The following LRP1B variants were observed in gnomAD, a reference collection of about 807,000 sequenced individuals.
LRP1B encodes the protein low-density lipoprotein receptor-related protein 1B.
A neutral mutation model predicts 556.6 loss-of-function variants in LRP1B; 217 were observed. The observed-to-expected ratio is 0.39, with a 90% CI of 0.35 to 0.44. LRP1B has a LOEUF of 0.44. Ranked by LOEUF, LRP1B falls within the 20% of genes least tolerant of loss-of-function variation. The pLI is 1.00. For missense variants in LRP1B, 5,053 were observed against 5,620.8 expected (o/e 0.90, Z 3.23); for synonymous variants, 2,047 against 1,865.8 (o/e 1.10, Z -2.50).
chr2:141,742,580 A>G (rs1486483493), intron 2 of LRP1B, among the ~76,000 whole-genome samples: 1 of 152,108 alleles, frequency 6.6e-6, no homozygotes, highest in African/African-American at 2.4e-5. Context: ...GCATTTGCTC[A>G]GTAAAGCTTT....
At chr2:141,440,044 C>T (rs1390921989) in intron 3 of LRP1B, among the ~76,000 whole-genome samples, 1 of 152,128 alleles carries the variant, frequency 6.6e-6, no homozygotes, top group East Asian at 1.9e-4. Context: ...CACATAACAG[C>T]AACAACAACG....
intron 43 of LRP1B, among the ~76,000 whole-genome samples, chr2:140,556,812 G>A (rs1321310886): frequency 6.6e-6 from 1 of 151,588 alleles, no homozygotes; most frequent in Non-Finnish European, 1.5e-5. Context: ...TATCTAAAAT[G>A]TTTACTTTAC....
intron 6 of LRP1B, among the ~76,000 whole-genome samples, chr2:141,190,428 T>C (rs1276776119): frequency 6.6e-6 from 1 of 151,566 alleles, no homozygotes; most frequent in African/African-American, 2.4e-5. Flanking sequence ...TGTCTTGACT[T>C]GAGTATTTTT....
intron 3 of LRP1B, among the ~76,000 whole-genome samples, chr2:141,396,211 T>C (rs1209978916): frequency 6.6e-6 from 1 of 152,152 alleles, no homozygotes; most frequent in African/African-American, 2.4e-5. Context: ...TTAGGGCCAA[T>C]GAAAAACAAA....
intron 66 of LRP1B, among the ~76,000 whole-genome samples, chr2:140,415,801 T>G (rs557024044): frequency 1.1e-4 from 17 of 152,186 alleles, no homozygotes; most frequent in African/African-American, 3.9e-4. Flanking sequence ...TTTGCCACAC[T>G]CCCCTCTAGT....
chr2:141,382,113 A>C (rs1348397306), intron 3 of LRP1B, among the ~76,000 whole-genome samples: 1 of 152,178 alleles, frequency 6.6e-6, no homozygotes, highest in Admixed American at 6.6e-5. Context: ...ACCATCTGCC[A>C]AAAGGTCCAG....
At chr2:141,931,908 G>A (rs757128491) in intron 1 of LRP1B, among the ~76,000 whole-genome samples, 50 of 151,996 alleles carry the variant, frequency 3.3e-4, no homozygotes, top group Non-Finnish European at 8.8e-5. Context: ...GATATGGGCT[G>A]TGTCACTTCG....
At chr2:141,131,407 T>TTTTA (rs976965390) in intron 7 of LRP1B, among the ~76,000 whole-genome samples, 1 of 110,696 alleles carries the variant, frequency 9.0e-6, no homozygotes, top group African/African-American at 3.9e-5. Context: ...ATGCATAAAG[T>TTTTA]TATATATATA....
chr2:141,354,246 A>C (rs2105547296), intron 3 of LRP1B, among the ~76,000 whole-genome samples: 1 of 152,176 alleles, frequency 6.6e-6, no homozygotes, highest in African/African-American at 2.4e-5. Flanking sequence ...TCACATCAAA[A>C]TAGTTTTTGG....
At chr2:140,491,361 T>G (rs1470856016) in intron 57 of LRP1B, among the ~76,000 whole-genome samples, 6 of 152,088 alleles carry the variant, frequency 3.9e-5, no homozygotes, top group Non-Finnish European at 8.8e-5. Flanking sequence ...TATGTGTGTG[T>G]GTGTATATAT....
At chr2:140,563,178 A>ACC (rs916934024) in intron 43 of LRP1B, among the ~76,000 whole-genome samples, 18 of 152,118 alleles carry the variant, frequency 1.2e-4, no homozygotes, top group African/African-American at 4.1e-4. Context: ...TATTTCACAC[A>ACC]CACACACACA....
intron 7 of LRP1B, among the ~76,000 whole-genome samples, chr2:141,147,046 G>A (rs1007027616): frequency 8.5e-5 from 13 of 152,232 alleles, no homozygotes; most frequent in African/African-American, 3.1e-4. Flanking sequence ...AGTGATCAGA[G>A]GACTGAAAGA....
rs1018822907 is a variant in LRP1B at position 140,773,181 on chromosome 2, G to A, written c.5501-2175C>T. ...TGTACTTGTAAAAATAAGAGAATGT[G>A]GCTAGGGGCGCGGTGGCTCACGCCT... is the stretch of plus-strand genomic sequence containing the variant. On this transcript the variant is annotated intron_variant, in intron 33 of 90. Transcript: ENST00000389484. 4.6e-5 allele frequency among the ~76,000 whole-genome samples: 7 copies of A among 152,142 alleles called. 1 individual carries two copies. The South Asian group carries it at 1.2e-3, about 27-fold the overall frequency.
chr2:140,315,076 C>T lies in LRP1B; in HGVS notation c.12664G>A (p.Glu4222Lys), dbSNP rs2105036942. The T allele has an allele frequency of 6.2e-7, 1 of 1,608,760 alleles. No homozygotes were observed. Among genetic ancestry groups the T allele is most frequent in the Non-Finnish European group, 8.5e-7 (1 of 1,177,240 alleles). ...LLDDSCKLTC[E>K]NGGRCILNEK... ...TTTAAAATGCATCTTCCTCCATTTT[C>T]ACAAGTTAACTTACATGAATCATCT... The change falls in exon 83 of 91, where the codon GAA becomes AAA. Residue 4222 changes from glutamate to lysine, a missense_variant. Coordinates refer to ENST00000389484, the MANE Select transcript of LRP1B (RefSeq NM_018557.3).
intron 41 of LRP1B, among the ~76,000 whole-genome samples, chr2:140,630,531 T>C (rs774392873): frequency 2.6e-5 from 4 of 152,058 alleles, no homozygotes; most frequent in African/African-American, 9.7e-5. Context: ...GAAAAGCAAC[T>C]TGGATGAATT....
intron 2 of LRP1B, among the ~76,000 whole-genome samples, chr2:141,646,836 T>C (rs1184960777): frequency 6.6e-6 from 1 of 152,126 alleles, no homozygotes; most frequent in Admixed American, 6.6e-5. Context: ...TAAGATAATT[T>C]CAAGTCATTA....
At chr2:141,734,986 G>C (rs1358817992) in intron 2 of LRP1B, among the ~76,000 whole-genome samples, 1 of 151,998 alleles carries the variant, frequency 6.6e-6, no homozygotes, top group Non-Finnish European at 1.5e-5. Flanking sequence ...ATTGAAATAT[G>C]GTGCTTTCCC....
rs538449765 is a variant in LRP1B at position 140,748,611 on chromosome 2, A to G, written c.5758+20602T>C. ...AGTGTGTATATATATATATATATAT[A>G]TATATATATATATATTCGTATATAT... On this transcript the variant is annotated intron_variant, in intron 35 of 90. Transcript: ENST00000389484. Among the ~76,000 whole-genome samples, 504 of 114,976 alleles carry G rather than the reference A, an allele frequency of 4.4e-3. 20 individuals are homozygous for G. Among genetic ancestry groups the G allele is most frequent in the African/African-American group, 0.017 (477 of 28,370 alleles). 75.4% of individuals were successfully genotyped at this position (114,976 alleles called of 152,430 possible).
intron 82 of LRP1B, among the ~76,000 whole-genome samples, chr2:140,315,926 C>T (rs1193036981): frequency 6.6e-6 from 1 of 152,098 alleles, no homozygotes; most frequent in Non-Finnish European, 1.5e-5. Context: ...AGAACAGTGT[C>T]AGAAACATTT....
Sources: allele counts gnomAD v4.1 joint callset (sites outside exome capture counted in the v4.1 genomes callset), GRCh38; gene constraint gnomAD v4.1.1; transcripts MANE v1.5; gene names NCBI Gene and HGNC (gene_info 2026-07-23, HGNC 2026-07-21).